The following EPHA6 variants were observed in gnomAD, a reference collection of about 807,000 sequenced individuals.
EPHA6 encodes EPH receptor A6.
In EPHA6, 50 loss-of-function variants were observed where a neutral mutation model predicts 112.0. That is an observed-to-expected ratio of 0.45 (90% CI 0.36 to 0.56). EPHA6 has a LOEUF of 0.56. EPHA6 is among the 20% of genes least tolerant of loss of function. The pLI is 0.00. For missense variants in EPHA6, 1,280 were observed against 1,417.4 expected, an observed-to-expected ratio of 0.90 and a Z score of 1.56; for synonymous variants, 529 against 490.7, an observed-to-expected ratio of 1.08 and a Z score of -1.03.
chr3:97,247,901 AT>A (rs1382870100), intron 5 of EPHA6, among the ~76,000 whole-genome samples: 1 of 151,896 alleles, frequency 6.6e-6, no homozygotes, highest in Non-Finnish European at 1.5e-5. Flanking sequence ...TATATTAATT[AT>A]TTTTTCCTAC....
intron 10 of EPHA6, among the ~76,000 whole-genome samples, chr3:97,507,035 A>C (rs975178762): frequency 6.6e-6 from 1 of 152,146 alleles, no homozygotes; most frequent in Non-Finnish European, 1.5e-5. Flanking sequence ...GACTTTGCTG[A>C]AGTTGCTTAT....
chr3:97,516,164 T>C (rs2092445964), intron 10 of EPHA6, among the ~76,000 whole-genome samples: 1 of 152,222 alleles, frequency 6.6e-6, no homozygotes, highest in Non-Finnish European at 1.5e-5. Flanking sequence ...AAGAAGTAGA[T>C]AGGTGGTAGG....
chr3:97,090,968 T>C (rs940497090), intron 3 of EPHA6, among the ~76,000 whole-genome samples: 1 of 152,164 alleles, frequency 6.6e-6, no homozygotes, highest in Non-Finnish European at 1.5e-5. Context: ...CTGTTTACAC[T>C]AATAATTACA....
intron 5 of EPHA6, among the ~76,000 whole-genome samples, chr3:97,247,644 A>G (rs980881970): frequency 5.9e-5 from 9 of 151,944 alleles, no homozygotes; most frequent in Admixed American, 4.6e-4. Context: ...ATCATATGTA[A>G]GATAGCATAT....
intron 16 of EPHA6, among the ~76,000 whole-genome samples, chr3:97,744,580 G>T (rs973040381): frequency 6.6e-6 from 1 of 151,990 alleles, no homozygotes; most frequent in Non-Finnish European, 1.5e-5. Flanking sequence ...CACTGAAGAT[G>T]CGTGGAGAGA....
chr3:97,292,636 C>A (rs1172040975), intron 5 of EPHA6, among the ~76,000 whole-genome samples: 4 of 152,226 alleles, frequency 2.6e-5, no homozygotes, highest in African/African-American at 9.6e-5. Context: ...GGAGAGGAGA[C>A]CTGTGGTGGG....
chr3:97,586,727 T>TAGACAGACAGACAGACAGAC (rs138628909), intron 11 of EPHA6, among the ~76,000 whole-genome samples: 1 of 151,348 alleles, frequency 6.6e-6, no homozygotes, highest in Non-Finnish European at 1.5e-5. Flanking sequence ...GATGGATGGA[T>TAGACAGACAGACAGACAGAC]AGACAGACAG....
intron 2 of EPHA6, among the ~76,000 whole-genome samples, chr3:96,924,686 G>A (rs547539533): frequency 6.6e-6 from 1 of 152,220 alleles, no homozygotes; most frequent in East Asian, 1.9e-4. Flanking sequence ...AATAGGAGTG[G>A]TGAGAGAGGG....
At chr3:97,075,065 C>T (rs904128839) in intron 3 of EPHA6, among the ~76,000 whole-genome samples, 1 of 151,670 alleles carries the variant, frequency 6.6e-6, no homozygotes, top group Admixed American at 6.6e-5. Flanking sequence ...TTTTTACCAG[C>T]AATTAGGACT....
intron 5 of EPHA6, among the ~76,000 whole-genome samples, chr3:97,289,380 C>T (rs2080597209): frequency 6.6e-6 from 1 of 152,078 alleles, no homozygotes; most frequent in South Asian, 2.1e-4. Flanking sequence ...CATCAAAGAA[C>T]AGATGGCTGA....
chr3:97,733,536 T>G (rs2035128074), intron 15 of EPHA6, among the ~76,000 whole-genome samples: 1 of 152,084 alleles, frequency 6.6e-6, no homozygotes, highest in Non-Finnish European at 1.5e-5. Context: ...CTAATAGCAT[T>G]TGTTTAGGTC....
chr3:97,305,096 A>G (rs2081261472), intron 5 of EPHA6, among the ~76,000 whole-genome samples: 1 of 152,078 alleles, frequency 6.6e-6, no homozygotes, highest in Non-Finnish European at 1.5e-5. Flanking sequence ...TTCTCAAAAG[A>G]AGACATTTAT....
At chr3:97,496,723 G>A (rs1291557258) in intron 10 of EPHA6, among the ~76,000 whole-genome samples, 2 of 151,804 alleles carry the variant, frequency 1.3e-5, no homozygotes, top group African/African-American at 2.4e-5. Flanking sequence ...ACTCTATGAC[G>A]TATAGACTGT....
intron 4 of EPHA6, among the ~76,000 whole-genome samples, chr3:97,243,453 G>A (rs1401908370): frequency 6.6e-6 from 1 of 151,530 alleles, no homozygotes; most frequent in Non-Finnish European, 1.5e-5. Context: ...TCAACCTTTG[G>A]GAAACAGATT....
At chr3:97,275,049 C>T (rs1350874103) in intron 5 of EPHA6, among the ~76,000 whole-genome samples, 2 of 152,146 alleles carry the variant, frequency 1.3e-5, no homozygotes, top group East Asian at 3.9e-4. Context: ...AGTATTAAAG[C>T]ACCGGCAGCC....
At chr3:96,916,780 G>A (rs1322082765) in intron 2 of EPHA6, among the ~76,000 whole-genome samples, 3 of 152,056 alleles carry the variant, frequency 2.0e-5, no homozygotes, top group Non-Finnish European at 2.9e-5. Flanking sequence ...TCTTCAGAAC[G>A]GAGTGCCAAT....
chr3:97,507,884 C>T (rs1319835035), intron 10 of EPHA6, among the ~76,000 whole-genome samples: 1 of 152,030 alleles, frequency 6.6e-6, no homozygotes, highest in Non-Finnish European at 1.5e-5. Flanking sequence ...CTGGTTTAGC[C>T]TTGGGAGGGT....
chr3:97,143,207 A>T (rs988658605), intron 3 of EPHA6, among the ~76,000 whole-genome samples: 5 of 151,624 alleles, frequency 3.3e-5, no homozygotes, highest in African/African-American at 1.2e-4. Context: ...ATATTTAACA[A>T]AGGAAGTCAA....
intron 5 of EPHA6, among the ~76,000 whole-genome samples, chr3:97,329,176 A>G (rs2082643308): frequency 6.6e-6 from 1 of 152,038 alleles, no homozygotes; most frequent in African/African-American, 2.4e-5. Flanking sequence ...ATAGTATTCC[A>G]TGGTATATAT....
Sources: allele counts gnomAD v4.1 joint callset (sites outside exome capture counted in the v4.1 genomes callset), GRCh38; gene constraint gnomAD v4.1.1; transcripts MANE v1.5; gene names NCBI Gene and HGNC (gene_info 2026-07-23, HGNC 2026-07-21).